Variants in GLIS1 observed in about 807,000 individuals in gnomAD.
GLIS1 encodes the protein zinc finger protein GLIS1.
Under a neutral mutation model 63.8 loss-of-function variants are expected in GLIS1, and 24 were observed. That is an observed-to-expected ratio of 0.38 (90% CI 0.27 to 0.53). The LOEUF (loss-of-function observed/expected upper bound fraction) is 0.53, where lower values mean the gene tolerates loss of function less well. GLIS1 is among the 20% of genes least tolerant of loss of function. The pLI is 0.85. For missense variants in GLIS1, 1,036 were observed against 1,074.1 expected, an observed-to-expected ratio of 0.96 and a Z score of 0.50; for synonymous variants, 450 against 482.5, an observed-to-expected ratio of 0.93 and a Z score of 0.88.
intron 4 of GLIS1, among the ~76,000 whole-genome samples, chr1:53,563,820 C>G (rs762790339): frequency 2.0e-5 from 3 of 152,154 alleles, no homozygotes; most frequent in Middle Eastern, 3.4e-3. Flanking sequence ...ACACAGACAC[C>G]CATAAAAGAA....
At chr1:53,591,003 A>T (rs1288571422) in intron 4 of GLIS1, among the ~76,000 whole-genome samples, 1 of 152,164 alleles carries the variant, frequency 6.6e-6, no homozygotes, top group Non-Finnish European at 1.5e-5. Context: ...GGGGAGGCTT[A>T]CCTCATGAAA....
intron 4 of GLIS1, among the ~76,000 whole-genome samples, chr1:53,563,753 AT>A (rs1644911903): frequency 6.6e-6 from 1 of 152,224 alleles, no homozygotes; most frequent in South Asian, 2.1e-4. Context: ...TACTCACAGA[AT>A]AGTGAAAATT....
intron 2 of GLIS1, among the ~76,000 whole-genome samples, chr1:53,672,376 C>A (rs1475399932): frequency 6.6e-6 from 1 of 152,250 alleles, no homozygotes; most frequent in Non-Finnish European, 1.5e-5. Flanking sequence ...CAACTCAGAG[C>A]TGTATGGAGT....
chr1:53,726,557 T>C (rs545393582), intron 2 of GLIS1, among the ~76,000 whole-genome samples: 22 of 151,942 alleles, frequency 1.4e-4, no homozygotes, highest in Non-Finnish European at 1.3e-4. Flanking sequence ...CCCAGCCCAA[T>C]AAACTAGGGA....
intron 4 of GLIS1, among the ~76,000 whole-genome samples, chr1:53,532,460 G>A (rs560445455): frequency 2.6e-5 from 4 of 152,314 alleles, no homozygotes; most frequent in African/African-American, 9.6e-5. Context: ...GGTCCAAGGC[G>A]AGCCACCCAC....
At chr1:53,572,230 T>C (rs1644991221) in intron 4 of GLIS1, among the ~76,000 whole-genome samples, 1 of 152,236 alleles carries the variant, frequency 6.6e-6, no homozygotes, top group African/African-American at 2.4e-5. Context: ...AGCATTGCCC[T>C]GACAAGTATC....
At chr1:53,662,885 T>G (rs934443347) in intron 2 of GLIS1, among the ~76,000 whole-genome samples, 4 of 152,286 alleles carry the variant, frequency 2.6e-5, no homozygotes, top group African/African-American at 9.6e-5. Flanking sequence ...CCCGGCGCTA[T>G]AAAGCAAACA....
At chr1:53,711,266 T>C (rs1214244926) in intron 2 of GLIS1, among the ~76,000 whole-genome samples, 1 of 152,176 alleles carries the variant, frequency 6.6e-6, no homozygotes, top group Non-Finnish European at 1.5e-5. Context: ...CACACCTGTG[T>C]GATCTTCCCA....
rs192985895 is a variant in GLIS1 at position 53,695,329 on chromosome 1, G to A, written c.259+42477C>T. ...GCAAGTCTAAGGGGAGGATGTGTAC[G>A]AAACACTAACTGGTAGTGAAGCATG... On this transcript the variant is annotated intron_variant, in intron 2 of 10. Coordinates refer to ENST00000628545, the MANE Select transcript of GLIS1 (RefSeq NM_001367484.1). Among the ~76,000 whole-genome samples the A allele has an allele frequency of 6.6e-5, 10 of 152,354 alleles. No individual in the cohort carries two copies. The East Asian group carries it at 7.7e-4, about 12-fold the overall frequency.
chr1:53,735,071 C>G (rs1410076230), intron 2 of GLIS1, among the ~76,000 whole-genome samples: 1 of 152,226 alleles, frequency 6.6e-6, no homozygotes, highest in Non-Finnish European at 1.5e-5. Flanking sequence ...CACTCTCTTC[C>G]TCTGCTTAGG....
chr1:53,623,329 G>A (rs1204466291), intron 2 of GLIS1, among the ~76,000 whole-genome samples: 2 of 152,102 alleles, frequency 1.3e-5, no homozygotes, highest in African/African-American at 2.4e-5. Flanking sequence ...CATAGACACA[G>A]AAAAAGTAGT....
rs191019391 is a variant in GLIS1 at position 53,539,184 on chromosome 1, C to T, written c.1321-9232G>A. Among the ~76,000 whole-genome samples, 512 of 151,958 alleles carry T rather than the reference C, an allele frequency of 3.4e-3. 4 individuals are homozygous for T. Among genetic ancestry groups the T allele is most frequent in the African/African-American group, 0.012 (498 of 41,392 alleles). ...ACACACTCTGATGTGAACACCTCTC[C>T]CTCCAACCAAGCCACACGTCGGAGA... On this transcript the variant is annotated intron_variant, in intron 4 of 10. Coordinates refer to ENST00000628545, the MANE Select transcript of GLIS1 (RefSeq NM_001367484.1). The surrounding 1 kb of genome is among the most constrained non-coding windows in gnomAD (Gnocchi z 5.0).
chr1:53,515,649 C>T (rs1189766203), intron 7 of GLIS1, among the ~76,000 whole-genome samples: 1 of 151,966 alleles, frequency 6.6e-6, no homozygotes, highest in East Asian at 1.9e-4. Context: ...CAGAGTCAGA[C>T]TTTGCTCCAG....
At chr1:53,655,413 C>T (rs1645954651) in intron 2 of GLIS1, among the ~76,000 whole-genome samples, 1 of 152,172 alleles carries the variant, frequency 6.6e-6, no homozygotes, top group Middle Eastern at 3.2e-3. Flanking sequence ...CATTCTACCA[C>T]ATGCTAGTTA....
intron 2 of GLIS1, among the ~76,000 whole-genome samples, chr1:53,627,368 C>A (rs915234112): frequency 6.6e-6 from 1 of 152,220 alleles, no homozygotes; most frequent in Non-Finnish European, 1.5e-5. Flanking sequence ...CCTGAGCGAA[C>A]TTTCAAGTTA....
At chr1:53,714,982 T>C (rs986400848) in intron 2 of GLIS1, among the ~76,000 whole-genome samples, 1 of 152,256 alleles carries the variant, frequency 6.6e-6, no homozygotes, top group Admixed American at 6.5e-5. Flanking sequence ...AATGGCACAA[T>C]CATGCCTCAC....
At position 53,509,104 on chromosome 1, in the gene GLIS1, C is replaced by T. The variant is rs753266799; in HGVS notation, c.2230+16G>A. ...GGCAGGTGCCCAGGACTGGGAGCCA[C>T]GCAGGCAGGGCTCACCTGTGGCAGG... is the stretch of plus-strand genomic sequence containing the variant. On this transcript the variant is annotated intron_variant, in intron 10 of 10. Coordinates refer to ENST00000628545, the MANE Select transcript of GLIS1 (RefSeq NM_001367484.1). 15 of 1,551,402 alleles carry T rather than the reference C, an allele frequency of 9.7e-6. No individual in the cohort carries two copies. The highest frequency in any genetic ancestry group is 7.0e-5 in the East Asian group (3 of 42,646).
chr1:53,553,503 T>C (rs1165654316), intron 4 of GLIS1, among the ~76,000 whole-genome samples: 1 of 152,148 alleles, frequency 6.6e-6, no homozygotes, highest in Non-Finnish European at 1.5e-5. Context: ...GCAAGACACA[T>C]GTGGTCTTGG....
chr1:53,508,387 C>A lies in GLIS1; in HGVS notation c.2230+733G>T, dbSNP rs115438045. On this transcript the variant is annotated intron_variant, in intron 10 of 10. Coordinates refer to ENST00000628545, the MANE Select transcript of GLIS1 (RefSeq NM_001367484.1). ...CCTCCCGCTCACTACCTCAAAGCTGCCCCAAGGGCCTCTGGGGCGGGTCTC... is the reference window on the plus strand; with the variant it reads ...CCTCCCGCTCACTACCTCAAAGCTGACCCAAGGGCCTCTGGGGCGGGTCTC... Among the ~76,000 whole-genome samples, 832 of 152,328 alleles carry A rather than the reference C, an allele frequency of 5.5e-3. 11 individuals are homozygous for A. The highest frequency in any genetic ancestry group is 0.019 in the African/African-American group (794 of 41,568).
Sources: allele counts gnomAD v4.1 joint callset (sites outside exome capture counted in the v4.1 genomes callset), GRCh38; gene constraint gnomAD v4.1.1; non-coding constraint Gnocchi (gnomAD v3.1); transcripts MANE v1.5; gene names NCBI Gene and HGNC (gene_info 2026-07-23, HGNC 2026-07-21).